Variants in GRM7 observed in about 807,000 individuals in gnomAD.
The protein encoded by GRM7 is glutamate metabotropic receptor 7, also known as metabotropic glutamate receptor 7.
Under a neutral mutation model 84.5 loss-of-function variants are expected in GRM7, and 35 were observed. That is an observed-to-expected ratio of 0.41 (90% CI 0.32 to 0.55). The LOEUF is 0.55. Among genes scored for constraint, GRM7 ranks in the 20% least tolerant of loss-of-function variants. The pLI is 0.19. For synonymous variants in GRM7, 487 were observed against 455.1 expected (o/e 1.07, Z -0.89); for missense variants, 1,003 against 1,194.6 (o/e 0.84, Z 2.36).
chr3:6,884,288 G>A (rs552351964), intron 1 of GRM7: 1 of 152,592 alleles, frequency 6.6e-6, no homozygotes, highest in Non-Finnish European at 1.5e-5. Flanking sequence ...TCCAAAAATG[G>A]AAGAAGCTGC....
chr3:7,303,742 T>G, intron 3 of GRM7, among the ~76,000 whole-genome samples: 1 of 152,100 alleles, frequency 6.6e-6, no homozygotes, highest in East Asian at 1.9e-4. Flanking sequence ...ATTATCTGAG[T>G]TGCCTTATTT....
chr3:7,527,786 G>T (rs1700865857), intron 7 of GRM7, among the ~76,000 whole-genome samples: 1 of 151,754 alleles, frequency 6.6e-6, no homozygotes, highest in Admixed American at 6.6e-5. Flanking sequence ...TGAGATGATT[G>T]CATGGGTTTT....
At chr3:7,080,582 CTT>C (rs1242503506) in intron 1 of GRM7, among the ~76,000 whole-genome samples, 1 of 151,884 alleles carries the variant, frequency 6.6e-6, no homozygotes. Context: ...ATACTGTATT[CTT>C]CTAGGACTGT....
intron 2 of GRM7, among the ~76,000 whole-genome samples, chr3:7,228,518 G>C (rs1047991755): frequency 1.3e-5 from 2 of 152,160 alleles, no homozygotes; most frequent in African/African-American, 4.8e-5. Context: ...ATCTGTTCCA[G>C]ATCTTGTATT....
At chr3:7,613,236 A>G (rs1434568145) in intron 8 of GRM7, among the ~76,000 whole-genome samples, 1 of 152,222 alleles carries the variant, frequency 6.6e-6, no homozygotes, top group African/African-American at 2.4e-5. Flanking sequence ...ACATATAAAT[A>G]GTGAAAGTGT....
chr3:7,469,409 T>C (rs548806138), intron 7 of GRM7, among the ~76,000 whole-genome samples: 2 of 152,332 alleles, frequency 1.3e-5, no homozygotes, highest in East Asian at 1.9e-4. Context: ...GTTTTTGTTT[T>C]ATTTCAGTTG....
At chr3:7,171,627 C>T (rs1164457931) in intron 2 of GRM7, among the ~76,000 whole-genome samples, 1 of 152,090 alleles carries the variant, frequency 6.6e-6, no homozygotes, top group Admixed American at 6.5e-5. Flanking sequence ...TCTAAGATGG[C>T]AAGGTCAGCA....
At chr3:7,630,083 A>C (rs2125095477) in intron 8 of GRM7, among the ~76,000 whole-genome samples, 1 of 152,350 alleles carries the variant, frequency 6.6e-6, no homozygotes, top group East Asian at 1.9e-4. Context: ...TCTAAAATTT[A>C]GCCTGAGGCT....
At chr3:7,432,943 A>G (rs1302396920) in intron 5 of GRM7, among the ~76,000 whole-genome samples, 1 of 152,190 alleles carries the variant, frequency 6.6e-6, no homozygotes, top group Non-Finnish European at 1.5e-5. Context: ...AATGGAAAAG[A>G]AGGAATTTAT....
At chr3:7,507,234 G>T (rs1700065836) in intron 7 of GRM7, among the ~76,000 whole-genome samples, 1 of 152,154 alleles carries the variant, frequency 6.6e-6, no homozygotes. Context: ...AAGAGGCAGG[G>T]AAAAATCCAG....
chr3:7,167,206 A>G (rs1175155732), intron 2 of GRM7, among the ~76,000 whole-genome samples: 2 of 152,200 alleles, frequency 1.3e-5, no homozygotes, highest in African/African-American at 4.8e-5. Flanking sequence ...ATTATCGCCA[A>G]AATAAGAAGC....
At chr3:7,200,214 T>C (rs927265969) in intron 2 of GRM7, among the ~76,000 whole-genome samples, 1 of 152,138 alleles carries the variant, frequency 6.6e-6, no homozygotes, top group Non-Finnish European at 1.5e-5. Context: ...TTTTCCCCCA[T>C]AATACAAACA....
At chr3:7,165,391 A>G (rs1350392975) in intron 2 of GRM7, among the ~76,000 whole-genome samples, 1 of 152,228 alleles carries the variant, frequency 6.6e-6, no homozygotes, top group Non-Finnish European at 1.5e-5. Context: ...TATCAGAGTA[A>G]TATAGAATCA....
chr3:7,351,478 G>A (rs2125091823), intron 4 of GRM7, among the ~76,000 whole-genome samples: 1 of 151,886 alleles, frequency 6.6e-6, no homozygotes, highest in South Asian at 2.1e-4. Flanking sequence ...TTAATTTTAG[G>A]TATCAACTTG....
intron 1 of GRM7, among the ~76,000 whole-genome samples, chr3:7,041,452 A>G (rs1696611656): frequency 6.6e-6 from 1 of 151,830 alleles, no homozygotes. Flanking sequence ...AGATGCATGT[A>G]TTAATAGTTA....
intron 8 of GRM7, among the ~76,000 whole-genome samples, chr3:7,618,508 G>T (rs546889551): frequency 1.3e-5 from 2 of 152,084 alleles, no homozygotes; most frequent in African/African-American, 2.4e-5. Flanking sequence ...GACAACTTGG[G>T]TTTTTTTAAT....
intron 7 of GRM7, among the ~76,000 whole-genome samples, chr3:7,493,057 T>A (rs960548718): frequency 8.5e-5 from 13 of 152,124 alleles, no homozygotes; most frequent in Admixed American, 4.6e-4. Context: ...TTTTATTTCT[T>A]TTAAATTTGA....
At chr3:6,914,427 C>T (rs897440345) in intron 1 of GRM7, among the ~76,000 whole-genome samples, 2 of 151,216 alleles carry the variant, frequency 1.3e-5, no homozygotes, top group Non-Finnish European at 3.0e-5. Context: ...TTTTTGAGAC[C>T]GAGTCTTGCT....
chr3:7,336,719 AC>A (rs1430011379), intron 4 of GRM7, among the ~76,000 whole-genome samples: 1 of 152,094 alleles, frequency 6.6e-6, no homozygotes, highest in Non-Finnish European at 1.5e-5. Context: ...ATCAATGTAC[AC>A]AAATCAGTAG....
Sources: allele counts gnomAD v4.1 joint callset (sites outside exome capture counted in the v4.1 genomes callset), GRCh38; gene constraint gnomAD v4.1.1; transcripts MANE v1.5; gene names NCBI Gene and HGNC (gene_info 2026-07-23, HGNC 2026-07-21).